The following RASGRF2 variants were observed in gnomAD, a reference collection of about 807,000 sequenced individuals.
The protein encoded by RASGRF2 is ras-specific guanine nucleotide-releasing factor 2.
In RASGRF2, 76 loss-of-function variants were observed where a neutral mutation model predicts 151.0. That is an observed-to-expected ratio of 0.50 (90% confidence interval 0.42 to 0.61). RASGRF2 has a LOEUF of 0.61. Among genes scored for constraint, RASGRF2 ranks in the 20% least tolerant of loss-of-function variants. The pLI is 0.00. For synonymous variants in RASGRF2, 504 were observed against 566.5 expected (o/e 0.89, Z 1.57); for missense variants, 1,148 against 1,564.6 (o/e 0.73, Z 4.49).
At chr5:81,222,901 C>A (rs540668851) in intron 26 of RASGRF2, among the ~76,000 whole-genome samples, 132 of 151,780 alleles carry the variant, frequency 8.7e-4, no homozygotes, top group Non-Finnish European at 1.7e-3. Flanking sequence ...AGAGAAAAAT[C>A]TAAGAAAAAC....
At chr5:81,117,913 A>G (rs574076689) in intron 15 of RASGRF2, among the ~76,000 whole-genome samples, 2 of 152,360 alleles carry the variant, frequency 1.3e-5, no homozygotes, top group African/African-American at 4.8e-5. Flanking sequence ...CGGGGCAGAC[A>G]TTAACTCTTA....
chr5:81,073,429 C>T lies in RASGRF2; in HGVS notation c.864C>T (p.Asp288=), dbSNP rs368702145. The change falls in exon 5 of 27, where the codon GAC becomes GAT. Residue 288 remains aspartate (D), a synonymous_variant. Transcript: ENST00000265080. ...AGAAGCCCCCCATCAGCCACGACGA[C>T]GTCAGCAGTATTTTTCTTAACAGGT... ...SSKKPPISHD[D]VSSIFLNSET... 1.5e-5 allele frequency: 24 copies of T among 1,614,092 alleles called. No individual in the cohort carries two copies. The highest frequency in any genetic ancestry group is 4.5e-5 in the East Asian group (2 of 44,874).
intron 1 of RASGRF2, among the ~76,000 whole-genome samples, chr5:80,984,931 C>G (rs903936636): frequency 1.3e-5 from 2 of 152,124 alleles, no homozygotes; most frequent in African/African-American, 4.8e-5. Flanking sequence ...CTGAAAGAGG[C>G]CTGTGTAGTG....
At chr5:81,211,146 G>GAAAA (rs34983763) in intron 22 of RASGRF2, among the ~76,000 whole-genome samples, 1 of 126,428 alleles carries the variant, frequency 7.9e-6, no homozygotes. Flanking sequence ...CCTGTCTCCA[G>GAAAA]AAAAAAAAAA....
Position 81,007,100 on chromosome 5 carries a change from C to T in RASGRF2, c.289-35777C>T, listed in dbSNP as rs559816874. On this transcript the variant is annotated intron_variant, in intron 1 of 26. Transcript: ENST00000265080. The stretch of plus-strand genomic sequence containing the variant: ...AATCACTGTGTGATCCGCCTGCCTC[C>T]GTACACATTTATAAATGTGTATATG... Among the ~76,000 whole-genome samples the T allele has an allele frequency of 5.9e-4, 90 of 152,248 alleles. 1 individual carries two copies. The highest frequency in any genetic ancestry group is 2.0e-3 in the African/African-American group (85 of 41,536).
intron 1 of RASGRF2, among the ~76,000 whole-genome samples, chr5:80,979,322 T>C (rs913657856): frequency 3.9e-5 from 6 of 152,194 alleles, no homozygotes; most frequent in Non-Finnish European, 7.4e-5. Context: ...CCAAATATAG[T>C]AGTCTAATTT....
chr5:81,195,127 G>C lies in RASGRF2; in HGVS notation c.2794-6203G>C, dbSNP rs183880722. On this transcript the variant is annotated intron_variant, in intron 18 of 26. Coordinates refer to ENST00000265080, the MANE Select transcript of RASGRF2 (RefSeq NM_006909.3). ...TCGCTCTCCTGGCGCATGAGGCTTCGTGCGGCTTCGTGTCATAAACATGGG... is the reference window on the plus strand; with the variant it reads ...TCGCTCTCCTGGCGCATGAGGCTTCCTGCGGCTTCGTGTCATAAACATGGG... 4.5e-3 allele frequency among the ~76,000 whole-genome samples: 680 copies of C among 152,202 alleles called. 6 individuals are homozygous for C. The highest frequency in any genetic ancestry group is 0.015 in the African/African-American group (636 of 41,458).
chr5:81,119,248 A>G (rs1753240422), intron 15 of RASGRF2, among the ~76,000 whole-genome samples: 1 of 152,236 alleles, frequency 6.6e-6, no homozygotes, highest in Non-Finnish European at 1.5e-5. Flanking sequence ...GTTTTGTGCT[A>G]CCTGAGACTA....
intron 25 of RASGRF2, 102 bp from the exon 26 acceptor site, chr5:81,219,608 T>C: frequency 1.1e-6 from 1 of 912,464 alleles, no homozygotes. Flanking sequence ...AGGAAGGGAC[T>C]GACCCTTCTG....
intron 17 of RASGRF2, among the ~76,000 whole-genome samples, chr5:81,170,060 C>T (rs545175372): frequency 9.3e-5 from 14 of 151,180 alleles, no homozygotes; most frequent in Middle Eastern, 3.4e-3. Flanking sequence ...ACTCCCTGCA[C>T]CACTGTTATC....
chr5:81,167,197 T>C (rs1754532303), intron 17 of RASGRF2, among the ~76,000 whole-genome samples: 1 of 152,190 alleles, frequency 6.6e-6, no homozygotes, highest in Non-Finnish European at 1.5e-5. Flanking sequence ...TGTCCAAGTC[T>C]GGTCTTCCCA....
chr5:81,186,572 G>A (rs182625896), intron 18 of RASGRF2, among the ~76,000 whole-genome samples: 18 of 151,976 alleles, frequency 1.2e-4, no homozygotes, highest in Admixed American at 6.6e-4. Context: ...ACACACACAC[G>A]CGCACACACA....
At chr5:81,158,831 T>C (rs903254740) in intron 17 of RASGRF2, among the ~76,000 whole-genome samples, 3 of 152,226 alleles carry the variant, frequency 2.0e-5, no homozygotes, top group Non-Finnish European at 4.4e-5. Context: ...CATACATTAC[T>C]GGTGGGAACG....
intron 2 of RASGRF2, among the ~76,000 whole-genome samples, chr5:81,061,092 ATTATG>A (rs1751418250): frequency 6.6e-6 from 1 of 151,958 alleles, no homozygotes; most frequent in Non-Finnish European, 1.5e-5. Context: ...GGTATGTGCC[ATTATG>A]TTATGACTAT....
At chr5:80,997,498 A>G (rs1428513803) in intron 1 of RASGRF2, 1 of 152,874 alleles carries the variant, frequency 6.5e-6, no homozygotes, top group Non-Finnish European at 1.5e-5. Flanking sequence ...CCAAACAACT[A>G]TTTGTCTTTC....
chr5:80,997,842 G>A (rs991478974), intron 1 of RASGRF2, among the ~76,000 whole-genome samples: 13 of 151,898 alleles, frequency 8.6e-5, no homozygotes, highest in Admixed American at 2.6e-4. Context: ...GGTGGCGGGC[G>A]CCTGTAGTCC....
chr5:81,088,392 A>G (rs1321397431), intron 9 of RASGRF2: 1 of 151,570 alleles, frequency 6.6e-6, no homozygotes, highest in Non-Finnish European at 1.5e-5. Context: ...AAGGCACTTT[A>G]CTCCTGGTGC....
chr5:81,004,097 T>G (rs1580192344), intron 1 of RASGRF2, among the ~76,000 whole-genome samples: 1 of 152,348 alleles, frequency 6.6e-6, no homozygotes, highest in East Asian at 1.9e-4. Context: ...ATACGTGAAC[T>G]GGGAGTTGAC....
At chr5:81,110,452 G>A (rs569655374) in intron 13 of RASGRF2, among the ~76,000 whole-genome samples, 4 of 152,242 alleles carry the variant, frequency 2.6e-5, no homozygotes, top group East Asian at 1.9e-4. Context: ...ATGTAATCAC[G>A]ATTTTGAAGG....
Sources: allele counts gnomAD v4.1 joint callset (sites outside exome capture counted in the v4.1 genomes callset), GRCh38; gene constraint gnomAD v4.1.1; transcripts MANE v1.5; gene names NCBI Gene and HGNC (gene_info 2026-07-23, HGNC 2026-07-21).